Variants in AIDA observed in about 807,000 individuals in gnomAD.
AIDA encodes the protein axin interactor, dorsalization-associated protein.
In AIDA, 18 loss-of-function variants were observed where a neutral mutation model predicts 42.7. The observed-to-expected ratio is 0.42, with a 90% CI of 0.29 to 0.63. The LOEUF is 0.63. AIDA is among the 20% of genes least tolerant of loss of function. The pLI, the probability that AIDA is intolerant of heterozygous loss-of-function variation, is 0.19. For synonymous variants in AIDA, 104 were observed against 122.9 expected (o/e 0.85, Z 1.02); for missense variants, 250 against 354.1 (o/e 0.71, Z 2.36).
At chr1:222,699,843 C>T (rs1655637653) in intron 2 of AIDA, among the ~76,000 whole-genome samples, 2 of 151,716 alleles carry the variant, frequency 1.3e-5, no homozygotes, top group Admixed American at 1.3e-4. Context: ...GCGATCTCGG[C>T]TCACTGCAAG....
intron 6 of AIDA, among the ~76,000 whole-genome samples, chr1:222,686,409 T>C (rs1655183839): frequency 6.6e-6 from 1 of 152,194 alleles, no homozygotes; most frequent in Admixed American, 6.5e-5. Context: ...AATTGTGGTC[T>C]GTGCCAGGCA....
At chr1:222,694,151 A>G in intron 3 of AIDA, 59 bp downstream of exon 3, 1 of 1,445,356 alleles carries the variant, frequency 6.9e-7, no homozygotes, top group South Asian at 1.2e-5. Flanking sequence ...CTAATGTTTT[A>G]TCACAATAAT....
At chr1:222,701,481 G>A (rs986176679) in intron 2 of AIDA, among the ~76,000 whole-genome samples, 1 of 152,028 alleles carries the variant, frequency 6.6e-6, no homozygotes, top group South Asian at 2.1e-4. Context: ...ATTTATATAT[G>A]TGGCTATCTG....
At chr1:222,706,493 TA>T (rs957857651) in intron 1 of AIDA, among the ~76,000 whole-genome samples, 54 of 143,436 alleles carry the variant, frequency 3.8e-4, no homozygotes, top group Non-Finnish European at 3.2e-4. Flanking sequence ...CACACCAATT[TA>T]AAAAAAAAAA....
At position 222,686,919 on chromosome 1, in the gene AIDA, G is replaced by C; in HGVS notation, c.460+11C>G. On this transcript the variant is annotated intron_variant, in intron 6 of 9. Coordinates refer to ENST00000340020, the MANE Select transcript of AIDA (RefSeq NM_022831.4). ...GTTAAATAATGTTTATTTTTAATAA[G>C]TGATACCTACCGGGAACTCTAGCAG... 1 of 1,611,748 alleles carries C rather than the reference G, an allele frequency of 6.2e-7. No individual in the cohort carries two copies. Among genetic ancestry groups the C allele is most frequent in the South Asian group, 1.1e-5 (1 of 90,542 alleles).
chr1:222,684,097 T>C (rs991557438), intron 6 of AIDA, among the ~76,000 whole-genome samples: 1 of 152,066 alleles, frequency 6.6e-6, no homozygotes, highest in Admixed American at 6.6e-5. Context: ...TAAAGGTACA[T>C]ATTAAAAAGA....
At chr1:222,702,515 G>C (rs1172320867) in intron 2 of AIDA, among the ~76,000 whole-genome samples, 2 of 151,902 alleles carry the variant, frequency 1.3e-5, no homozygotes, top group African/African-American at 4.8e-5. Context: ...ATCACTAACA[G>C]TTTAGAAACT....
intron 8 of AIDA, among the ~76,000 whole-genome samples, chr1:222,672,067 A>G (rs181949574): frequency 1.5e-3 from 229 of 152,314 alleles, no homozygotes; most frequent in African/African-American, 5.4e-3. Context: ...TCCTGGGAAG[A>G]TTAAGTTAAA....
intron 2 of AIDA, among the ~76,000 whole-genome samples, chr1:222,697,968 G>A (rs968890139): frequency 6.6e-6 from 1 of 151,008 alleles, no homozygotes; most frequent in Non-Finnish European, 1.5e-5. Flanking sequence ...ACAGGGAAAC[G>A]CTTTCTAAGC....
At chr1:222,670,447 C>T (rs999532548) in intron 8 of AIDA, among the ~76,000 whole-genome samples, 197 bp from the exon 9 acceptor site, 1 of 152,192 alleles carries the variant, frequency 6.6e-6, no homozygotes, top group African/African-American at 2.4e-5. Context: ...AGTAGAGTGA[C>T]ATTTCTCCTT....
chr1:222,699,735 C>T (rs1211685923), intron 2 of AIDA, among the ~76,000 whole-genome samples: 4 of 151,812 alleles, frequency 2.6e-5, no homozygotes, highest in East Asian at 1.9e-4. Flanking sequence ...TTTTTTGGCC[C>T]GCTGTGAATG....
At position 222,690,941 on chromosome 1, in the gene AIDA, A is replaced by G. The variant is rs566140024; in HGVS notation, c.289+2848T>C. On this transcript the variant is annotated intron_variant, in intron 4 of 9. Coordinates refer to ENST00000340020, the MANE Select transcript of AIDA (RefSeq NM_022831.4). ...GAAGAGAACAGTGATAAAGACAGAG[A>G]GTCTTTGCCCTCATATATGGATCTC... Among the ~76,000 whole-genome samples the G allele has an allele frequency of 6.6e-4, 101 of 152,304 alleles. 2 individuals carry two copies. In the South Asian group the frequency reaches 0.02, roughly 30 times the overall value.
intron 2 of AIDA, among the ~76,000 whole-genome samples, chr1:222,702,236 G>C (rs771732245): frequency 6.6e-6 from 1 of 152,090 alleles, no homozygotes; most frequent in Non-Finnish European, 1.5e-5. Flanking sequence ...GACTAAAATG[G>C]ATGTTGTTAG....
At chr1:222,709,550 A>C (rs17163441) in intron 1 of AIDA, among the ~76,000 whole-genome samples, 23,809 of 152,130 alleles carry the variant, frequency 0.16, 2,471 homozygotes, top group African/African-American at 0.29. Flanking sequence ...AGATAGAGGC[A>C]GTGGGGTTGG....
chr1:222,685,088 C>T (rs1157544758), intron 6 of AIDA, among the ~76,000 whole-genome samples: 1 of 152,058 alleles, frequency 6.6e-6, no homozygotes, highest in Non-Finnish European at 1.5e-5. Context: ...GGAAATAATG[C>T]CCTTGTACCA....
At chr1:222,691,555 C>T (rs960580451) in intron 4 of AIDA, among the ~76,000 whole-genome samples, 18 of 152,044 alleles carry the variant, frequency 1.2e-4, no homozygotes, top group Non-Finnish European at 2.4e-4. Context: ...AGAATCCTTG[C>T]ATTTCAGATC....
chr1:222,689,477 G>GTGTGTA (rs1553294345), intron 4 of AIDA, among the ~76,000 whole-genome samples: 3 of 27,970 alleles, frequency 1.1e-4, no homozygotes, highest in African/African-American at 3.9e-4. Context: ...GTATGTGTGT[G>GTGTGTA]TGTGTATATA....
At chr1:222,702,363 G>A (rs1655732505) in intron 2 of AIDA, among the ~76,000 whole-genome samples, 1 of 151,956 alleles carries the variant, frequency 6.6e-6, no homozygotes, top group African/African-American at 2.4e-5. Context: ...AAGAGATGGG[G>A]AATAGACTGA....
At chr1:222,704,108 C>T (rs931236685) in intron 1 of AIDA, among the ~76,000 whole-genome samples, 1 of 152,104 alleles carries the variant, frequency 6.6e-6, no homozygotes, top group African/African-American at 2.4e-5. Flanking sequence ...ACTTCATACC[C>T]ACTAGAATGA....
Sources: allele counts gnomAD v4.1 joint callset (sites outside exome capture counted in the v4.1 genomes callset), GRCh38; gene constraint gnomAD v4.1.1; transcripts MANE v1.5; gene names NCBI Gene and HGNC (gene_info 2026-07-23, HGNC 2026-07-21).